The following ITPR2 variants were observed in gnomAD, a reference collection of about 807,000 sequenced individuals.
The protein encoded by ITPR2 is inositol 1,4,5-trisphosphate-gated calcium channel ITPR2.
A neutral mutation model predicts 317.1 loss-of-function variants in ITPR2; 207 were observed. That is an observed-to-expected ratio of 0.65 (90% CI 0.58 to 0.73). ITPR2 has a LOEUF of 0.73. Among genes scored for constraint, ITPR2 ranks in the 30% least tolerant of loss-of-function variants. The pLI, the probability that ITPR2 is intolerant of heterozygous loss-of-function variation, is 0.00. For missense variants in ITPR2, 2,613 were observed against 3,284.0 expected, an observed-to-expected ratio of 0.80 and a Z score of 4.99; for synonymous variants, 1,156 against 1,149.1, an observed-to-expected ratio of 1.01 and a Z score of -0.12.
chr12:26,464,846 A>G (rs1942129757), intron 45 of ITPR2, among the ~76,000 whole-genome samples: 1 of 152,170 alleles, frequency 6.6e-6, no homozygotes, highest in Admixed American at 6.5e-5. Flanking sequence ...CAGGAATGCT[A>G]AGGAGCTGAG....
At chr12:26,365,350 A>G (rs1346708512) in intron 55 of ITPR2, among the ~76,000 whole-genome samples, 2 of 152,196 alleles carry the variant, frequency 1.3e-5, no homozygotes, top group Non-Finnish European at 2.9e-5. Flanking sequence ...GATTCAAGAA[A>G]TGGCTCCTGC....
At chr12:26,820,440 G>C (rs1172937962) in intron 1 of ITPR2, among the ~76,000 whole-genome samples, 1 of 152,076 alleles carries the variant, frequency 6.6e-6, no homozygotes, top group Non-Finnish European at 1.5e-5. Flanking sequence ...TGCCTTCAAA[G>C]AACTTACAGT....
At chr12:26,594,774 T>G (rs866451981) in intron 32 of ITPR2, among the ~76,000 whole-genome samples, 5 of 152,038 alleles carry the variant, frequency 3.3e-5, no homozygotes, top group African/African-American at 4.8e-5. Context: ...TAAAGAAAAT[T>G]GTGTTGTCCA....
chr12:26,478,312 A>AT (rs1437431662), intron 43 of ITPR2, among the ~76,000 whole-genome samples: 3 of 151,922 alleles, frequency 2.0e-5, no homozygotes, highest in Non-Finnish European at 4.4e-5. Context: ...CTCCATTTTC[A>AT]TTTTTTTGCG....
At chr12:26,727,913 C>G (rs1281066374) in intron 2 of ITPR2, among the ~76,000 whole-genome samples, 2 of 152,284 alleles carry the variant, frequency 1.3e-5, no homozygotes, top group East Asian at 3.9e-4. Flanking sequence ...AGAGGGCTCC[C>G]ATGCTAAGGG....
chr12:26,566,059 GA>G (rs1944970466), intron 34 of ITPR2, among the ~76,000 whole-genome samples: 1 of 137,270 alleles, frequency 7.3e-6, no homozygotes, highest in Admixed American at 7.2e-5. Context: ...ATGGAGAGGA[GA>G]AGGAGAGGAA....
At chr12:26,752,229 C>T (rs780048302) in intron 2 of ITPR2, among the ~76,000 whole-genome samples, 4 of 152,278 alleles carry the variant, frequency 2.6e-5, no homozygotes, top group South Asian at 2.1e-4. Context: ...CAGTCCCTGA[C>T]TTACAATGGT....
At chr12:26,536,403 G>A (rs1944091593) in intron 37 of ITPR2, among the ~76,000 whole-genome samples, 1 of 152,078 alleles carries the variant, frequency 6.6e-6, no homozygotes, top group African/African-American at 2.4e-5. Context: ...TTAAACAGCT[G>A]CTCAACAGTA....
intron 34 of ITPR2, among the ~76,000 whole-genome samples, chr12:26,567,107 T>C (rs555284486): frequency 2.0e-4 from 31 of 152,322 alleles, no homozygotes; most frequent in African/African-American, 6.7e-4. Context: ...AGATTGGGAT[T>C]TATCTGCCCT....
chr12:26,691,280 G>A (rs1948235226), intron 10 of ITPR2, among the ~76,000 whole-genome samples: 1 of 152,130 alleles, frequency 6.6e-6, no homozygotes, highest in Admixed American at 6.5e-5. Context: ...GTTTAAAATT[G>A]TGTCCTTGTG....
chr12:26,628,022 C>A lies in ITPR2; in HGVS notation c.3064+11G>T. The A allele has an allele frequency of 6.3e-7, 1 of 1,594,522 alleles. No homozygotes were observed. The highest frequency in any genetic ancestry group is 1.2e-5 in the South Asian group (1 of 86,442). Reference sequence around the variant, plus strand: ...AAAATAAAAAGAGTAAATACTGTCACAAAAAGATACCTGATGGTAGTAAAG... The same window carrying A: ...AAAATAAAAAGAGTAAATACTGTCAAAAAAAGATACCTGATGGTAGTAAAG... On this transcript the variant is annotated intron_variant, in intron 23 of 56. Coordinates refer to ENST00000381340, the MANE Select transcript of ITPR2 (RefSeq NM_002223.4).
At chr12:26,627,868 C>T (rs563155279) in intron 23 of ITPR2, among the ~76,000 whole-genome samples, 165 bp downstream of exon 23, 1 of 152,074 alleles carries the variant, frequency 6.6e-6, no homozygotes, top group African/African-American at 2.4e-5. Flanking sequence ...ACGTGTATAC[C>T]TATGTAACAA....
chr12:26,481,485 T>C (rs1942544240), intron 42 of ITPR2, among the ~76,000 whole-genome samples: 2 of 152,216 alleles, frequency 1.3e-5, no homozygotes, highest in Admixed American at 1.3e-4. Flanking sequence ...TCTTTTAAAA[T>C]GAACTGTGTT....
At chr12:26,464,556 G>A (rs992721504) in intron 45 of ITPR2, among the ~76,000 whole-genome samples, 3 of 152,158 alleles carry the variant, frequency 2.0e-5, no homozygotes, top group African/African-American at 7.2e-5. Flanking sequence ...CCCGGGGGTT[G>A]GGGACCCCTG....
rs141428313 is a variant in ITPR2 at position 26,624,776 on chromosome 12, C to CAA, written c.3065-422_3065-421dup. Among the ~76,000 whole-genome samples the CAA allele has an allele frequency of 6.6e-3, 906 of 137,998 alleles. 2 individuals carry two copies. Among genetic ancestry groups the CAA allele is most frequent in the African/African-American group, 0.015 (573 of 37,908 alleles). 90.5% of individuals were successfully genotyped at this position (137,998 alleles called of 152,430 possible). On this transcript the variant is annotated intron_variant, in intron 23 of 56. Coordinates refer to ENST00000381340, the MANE Select transcript of ITPR2 (RefSeq NM_002223.4). ...TATGGAGAACAGTTTCGAGGTTTCT[C>CAA]AAAAAAAAAAAAAAACTAAAAATTG...
chr12:26,535,821 T>C (rs1009675604), intron 37 of ITPR2, among the ~76,000 whole-genome samples: 5 of 152,206 alleles, frequency 3.3e-5, no homozygotes, highest in African/African-American at 1.2e-4. Flanking sequence ...GGCACAATCA[T>C]TTAAAGATGG....
intron 39 of ITPR2, among the ~76,000 whole-genome samples, chr12:26,492,962 C>T (rs1376476222): frequency 1.3e-5 from 2 of 149,252 alleles, no homozygotes; most frequent in African/African-American, 4.9e-5. Flanking sequence ...AGATTGTACC[C>T]CATAAATATA....
intron 54 of ITPR2, 26 bp downstream of exon 54, chr12:26,398,850 T>G: frequency 1.9e-6 from 3 of 1,583,310 alleles, no homozygotes; most frequent in Non-Finnish European, 2.6e-6. Flanking sequence ...ATTCATCTAT[T>G]ATTTTAGCAT....
chr12:26,389,367 A>G (rs112855192), intron 54 of ITPR2, among the ~76,000 whole-genome samples: 54 of 152,354 alleles, frequency 3.5e-4, no homozygotes, highest in African/African-American at 1.1e-3. Context: ...ATTCTTTAGT[A>G]TGAGTCCCAT....
Sources: allele counts gnomAD v4.1 joint callset (sites outside exome capture counted in the v4.1 genomes callset), GRCh38; gene constraint gnomAD v4.1.1; transcripts MANE v1.5; gene names NCBI Gene and HGNC (gene_info 2026-07-23, HGNC 2026-07-21).